Variants in MAGI2 observed in about 807,000 individuals in gnomAD.
MAGI2 encodes membrane associated guanylate kinase, WW and PDZ domain containing 2.
MAGI2 carries 35 observed loss-of-function variants against 133.3 expected under a neutral mutation model. That is an observed-to-expected ratio of 0.26 (90% CI 0.20 to 0.35). The LOEUF is 0.35. MAGI2 is among the 10% of genes least tolerant of loss of function. The probability of loss-of-function intolerance (pLI) is 1.00; values close to 1 mark genes in which losing one functional copy is unlikely to be tolerated. For missense variants in MAGI2, 1,636 were observed against 1,863.4 expected (o/e 0.88, Z 2.25); for synonymous variants, 729 against 710.6 (o/e 1.03, Z -0.41).
At chr7:79,439,869 T>C (rs1421299209) in intron 1 of MAGI2, among the ~76,000 whole-genome samples, 1 of 152,098 alleles carries the variant, frequency 6.6e-6, no homozygotes, top group East Asian at 1.9e-4. Flanking sequence ...TACCCCTTAC[T>C]ACTAAGCAAG....
rs1360056257 is a variant in MAGI2 at position 79,171,762 on chromosome 7, ATATATATATTTTTTT to A, written c.302-164571_302-164557del. On this transcript the variant is annotated intron_variant, in intron 1 of 21. Transcript: ENST00000354212. The stretch of plus-strand genomic sequence containing the variant: ...GCCAAAAATATATATATATATATAT[ATATATATATTTTTTT>A]TTTTTTTTTCTTTTAAAGGGTCTCC... Among the ~76,000 whole-genome samples, 6 of 28,758 alleles carry A rather than the reference ATATATATATTTTTTT, an allele frequency of 2.1e-4. No homozygotes were observed. In the East Asian group the frequency reaches 4.2e-3, roughly 20 times the overall value. 18.9% of individuals were successfully genotyped at this position (28,758 alleles called of 152,430 possible).
At chr7:78,671,572 AG>A (rs1260057136) in intron 2 of MAGI2, among the ~76,000 whole-genome samples, 1 of 152,126 alleles carries the variant, frequency 6.6e-6, no homozygotes, top group Non-Finnish European at 1.5e-5. Context: ...AGCCAGCCAG[AG>A]GGTAAAGCAG....
intron 1 of MAGI2, among the ~76,000 whole-genome samples, chr7:79,205,095 A>G (rs1828929651): frequency 6.6e-6 from 1 of 151,990 alleles, no homozygotes; most frequent in African/African-American, 2.4e-5. Flanking sequence ...CCAAACATGG[A>G]GAAAGACGCA....
chr7:78,455,896 G>C (rs1002351058), intron 6 of MAGI2, among the ~76,000 whole-genome samples: 1 of 151,974 alleles, frequency 6.6e-6, no homozygotes, highest in African/African-American at 2.4e-5. Context: ...TTAGGAATCA[G>C]TAATACCCTA....
chr7:79,143,362 G>A (rs889671147), intron 1 of MAGI2, among the ~76,000 whole-genome samples: 6 of 152,196 alleles, frequency 3.9e-5, no homozygotes, highest in African/African-American at 1.4e-4. Flanking sequence ...ATTAAGTGAT[G>A]TGAAGAGATG....
chr7:79,330,872 A>G (rs563128977), intron 1 of MAGI2, among the ~76,000 whole-genome samples: 1 of 152,292 alleles, frequency 6.6e-6, no homozygotes, highest in South Asian at 2.1e-4. Flanking sequence ...ATGAATAACA[A>G]TTTATATTTC....
chr7:79,436,180 G>A (rs994170721), intron 1 of MAGI2, among the ~76,000 whole-genome samples: 35 of 148,592 alleles, frequency 2.4e-4, no homozygotes, highest in African/African-American at 8.3e-4. Flanking sequence ...AGCCGAGATC[G>A]TGCCACTACA....
At chr7:78,623,423 T>C (rs959448733) in intron 3 of MAGI2, among the ~76,000 whole-genome samples, 1 of 152,158 alleles carries the variant, frequency 6.6e-6, no homozygotes, top group African/African-American at 2.4e-5. Flanking sequence ...ACATCTTTGA[T>C]AAAGTTATTT....
intron 9 of MAGI2, among the ~76,000 whole-genome samples, chr7:78,335,569 A>G (rs1276320719): frequency 6.6e-6 from 1 of 152,228 alleles, no homozygotes; most frequent in East Asian, 1.9e-4. Flanking sequence ...TATGTGAGAA[A>G]AAGAGGATAT....
Position 79,376,841 on chromosome 7 carries a change from G to GTGTGTGTGTGTGT in MAGI2, c.301+76178_301+76179insACACACACACACA, listed in dbSNP as rs1563166210. Among the ~76,000 whole-genome samples, 320 of 147,570 alleles carry GTGTGTGTGTGTGT rather than the reference G, an allele frequency of 2.2e-3. 1 individual carries two copies. Among genetic ancestry groups the GTGTGTGTGTGTGT allele is most frequent in the African/African-American group, 7.6e-3 (290 of 38,282 alleles). ...TTGTGTGTGTGTGTGTGTGTGTGTGGGTGTATGGCGTGTGTATTCAACACA... is the reference window on the plus strand; with the variant it reads ...TTGTGTGTGTGTGTGTGTGTGTGTGGTGTGTGTGTGTGTGTGTATGGCGTGTGTATTCAACACA... On this transcript the variant is annotated intron_variant, in intron 1 of 21. Transcript: ENST00000354212.
intron 10 of MAGI2, among the ~76,000 whole-genome samples, chr7:78,239,988 C>CT (rs1004259239): frequency 2.2e-3 from 334 of 148,478 alleles, no homozygotes; most frequent in African/African-American, 7.8e-3. Context: ...TTTCCTAGAA[C>CT]TTTTTTTTTT....
intron 1 of MAGI2, among the ~76,000 whole-genome samples, chr7:79,106,082 T>C (rs1008806974): frequency 6.6e-6 from 1 of 152,210 alleles, no homozygotes; most frequent in African/African-American, 2.4e-5. Context: ...AATTGGAGTC[T>C]AATATAGCAT....
At chr7:79,378,954 A>G (rs1254317913) in intron 1 of MAGI2, among the ~76,000 whole-genome samples, 65 of 60,552 alleles carry the variant, frequency 1.1e-3, no homozygotes, top group African/African-American at 2.4e-3. Flanking sequence ...ATATATATAT[A>G]TATATATATA....
At chr7:78,607,534 A>G (rs903246429) in intron 3 of MAGI2, among the ~76,000 whole-genome samples, 2 of 151,380 alleles carry the variant, frequency 1.3e-5, no homozygotes, top group African/African-American at 4.9e-5. Flanking sequence ...TGTAAAATGT[A>G]CTGCATTGTA....
chr7:78,693,502 A>C (rs1375228862), intron 2 of MAGI2, among the ~76,000 whole-genome samples: 3 of 152,208 alleles, frequency 2.0e-5, no homozygotes, highest in African/African-American at 7.2e-5. Flanking sequence ...ATTTGTATTT[A>C]CTACTGGCAT....
At chr7:78,200,286 G>A (rs565932335) in intron 11 of MAGI2, among the ~76,000 whole-genome samples, 1 of 152,304 alleles carries the variant, frequency 6.6e-6, no homozygotes, top group East Asian at 1.9e-4. Flanking sequence ...ACCAGTCCCA[G>A]CTCTTGGGAC....
chr7:78,820,903 T>C (rs1045116099), intron 2 of MAGI2, among the ~76,000 whole-genome samples: 2 of 151,982 alleles, frequency 1.3e-5, no homozygotes, highest in Non-Finnish European at 2.9e-5. Flanking sequence ...CAAAATTTTT[T>C]TCTAAGAATA....
chr7:79,011,741 T>G (rs1808120030), intron 1 of MAGI2, among the ~76,000 whole-genome samples: 1 of 152,184 alleles, frequency 6.6e-6, no homozygotes, highest in South Asian at 2.1e-4. Flanking sequence ...ATCATCTTAT[T>G]TATTTTTGTT....
At chr7:78,649,222 T>TAAGAAAAAAAAAAAAAAAAAAAAAAAAAA (rs1811239512) in intron 2 of MAGI2, among the ~76,000 whole-genome samples, 1 of 45,052 alleles carries the variant, frequency 2.2e-5, no homozygotes, top group Admixed American at 2.7e-4. Flanking sequence ...TGACTTGTGG[T>TAAGAAAAAAAAAAAAAAAAAAAAAAAAAA]AAAAAAAAAA....
Sources: gnomAD v4.1 joint callset for allele counts (sites outside exome capture counted in the v4.1 genomes callset) on GRCh38, gnomAD v4.1.1 for gene constraint, MANE v1.5 for transcripts, NCBI Gene and HGNC (gene_info 2026-07-23, HGNC 2026-07-21) for gene names.